The following CPED1 variants were observed in gnomAD, a reference collection of about 807,000 sequenced individuals.
The protein encoded by CPED1 is cadherin-like and PC-esterase domain-containing protein 1.
In CPED1, 114 loss-of-function variants were observed where a neutral mutation model predicts 128.2. That is an observed-to-expected ratio of 0.89 (90% CI 0.76 to 1.04). The LOEUF (loss-of-function observed/expected upper bound fraction) is 1.04. CPED1 is among the 50% of genes least tolerant of loss of function. The pLI is 0.00. For synonymous variants in CPED1, 462 were observed against 426.7 expected, an observed-to-expected ratio of 1.08 and a Z score of -1.02; for missense variants, 1,211 against 1,207.1, an observed-to-expected ratio of 1.00 and a Z score of -0.05.
chr7:120,993,869 G>A (rs1057315946), intron 2 of CPED1: 3 of 222,540 alleles, frequency 1.3e-5, no homozygotes, highest in African/African-American at 4.7e-5. Context: ...CCTGCCTTTT[G>A]TTGATTGGAG....
intron 16 of CPED1, among the ~76,000 whole-genome samples, chr7:121,150,742 G>A (rs1419830832): frequency 3.9e-5 from 5 of 128,222 alleles, no homozygotes; most frequent in East Asian, 4.5e-4. Flanking sequence ...CAGCCAAACC[G>A]AGTCTAAAAC....
chr7:121,064,486 G>A (rs140783208), intron 5 of CPED1, among the ~76,000 whole-genome samples, 173 bp downstream of exon 5: 1 of 152,220 alleles, frequency 6.6e-6, no homozygotes, highest in African/African-American at 2.4e-5. Context: ...CCTAAAGTGA[G>A]GAATAACAAC....
At position 121,125,903 on chromosome 7, in the gene CPED1, C is replaced by G. The variant is rs1219918385; in HGVS notation, c.1134+11C>G. The G allele has an allele frequency of 6.4e-7, 1 of 1,568,446 alleles. No homozygotes were observed. Among genetic ancestry groups the G allele is most frequent in the African/African-American group, 1.3e-5 (1 of 74,248 alleles). The stretch of plus-strand genomic sequence containing the variant: ...CCTGTAGTGCTCCAGGTCAGTATGC[C>G]AAAGGCCTCATGTGAGCTTCTACCT... On this transcript the variant is annotated intron_variant, in intron 9 of 22. Transcript: ENST00000310396.
chr7:121,124,543 G>A (rs1307308628), intron 8 of CPED1, 70 bp downstream of exon 8: 2 of 1,206,568 alleles, frequency 1.7e-6, no homozygotes, highest in East Asian at 5.6e-5. Flanking sequence ...AAAATTGTTG[G>A]TGGAAATGTA....
intron 7 of CPED1, among the ~76,000 whole-genome samples, 162 bp downstream of exon 7, chr7:121,100,256 G>A (rs1794816942): frequency 6.6e-6 from 1 of 152,086 alleles, no homozygotes; most frequent in South Asian, 2.1e-4. Context: ...ATAGGTGCAG[G>A]TTTAAAAATG....
At chr7:121,070,919 A>G (rs9690143) in intron 5 of CPED1, among the ~76,000 whole-genome samples, 128,769 of 152,146 alleles carry the variant, frequency 0.85, 55,553 homozygotes, top group East Asian at 0.96. Context: ...GAAACAGTAC[A>G]GCCTAGGTCA....
At chr7:121,163,870 G>A (rs746763352) in intron 16 of CPED1, among the ~76,000 whole-genome samples, 4 of 152,156 alleles carry the variant, frequency 2.6e-5, no homozygotes, top group African/African-American at 4.8e-5. Context: ...TGGGCAACAG[G>A]TTTGTCTTTA....
At chr7:121,150,899 G>C (rs1342272773) in intron 16 of CPED1, among the ~76,000 whole-genome samples, 2 of 152,040 alleles carry the variant, frequency 1.3e-5, no homozygotes, top group African/African-American at 2.4e-5. Flanking sequence ...CTCTCGAGTA[G>C]CTGGGATTAC....
intron 3 of CPED1, among the ~76,000 whole-genome samples, chr7:121,034,929 C>A (rs1792847279): frequency 2.0e-5 from 3 of 152,052 alleles, no homozygotes; most frequent in South Asian, 4.2e-4. Flanking sequence ...TTTGGGAGAA[C>A]AGAAAAGGAA....
chr7:121,108,034 AG>A (rs1795019696), intron 7 of CPED1, among the ~76,000 whole-genome samples: 1 of 152,128 alleles, frequency 6.6e-6, no homozygotes, highest in Non-Finnish European at 1.5e-5. Context: ...CAAATTTAGA[AG>A]AAACAGCAAT....
At chr7:121,273,769 A>G (rs1792277826) in intron 22 of CPED1, among the ~76,000 whole-genome samples, 1 of 152,136 alleles carries the variant, frequency 6.6e-6, no homozygotes, top group Non-Finnish European at 1.5e-5. Flanking sequence ...AAGCTGTAGG[A>G]TACTGTGTGT....
At chr7:121,090,172 C>G (rs554952595) in intron 5 of CPED1, among the ~76,000 whole-genome samples, 1 of 152,162 alleles carries the variant, frequency 6.6e-6, no homozygotes, top group Non-Finnish European at 1.5e-5. Context: ...TCATGGCTTG[C>G]GTTTACTGAG....
chr7:121,201,063 G>A (rs149335944), intron 16 of CPED1, among the ~76,000 whole-genome samples: 227 of 152,210 alleles, frequency 1.5e-3, no homozygotes, highest in African/African-American at 4.9e-3. Context: ...GCCTTTAATA[G>A]AGCAATCTCT....
At chr7:121,162,806 T>C (rs1033883763) in intron 16 of CPED1, among the ~76,000 whole-genome samples, 1 of 152,204 alleles carries the variant, frequency 6.6e-6, no homozygotes, top group African/African-American at 2.4e-5. Flanking sequence ...GTGGTCATGC[T>C]GAACCAAAAC....
At chr7:121,112,618 G>C (rs993428427) in intron 7 of CPED1, among the ~76,000 whole-genome samples, 1 of 152,164 alleles carries the variant, frequency 6.6e-6, no homozygotes, top group Non-Finnish European at 1.5e-5. Flanking sequence ...GTTTTAAATT[G>C]TGACGTTTGT....
intron 18 of CPED1, chr7:121,261,926 AGTTTGGAT>A (rs974159227): frequency 7.9e-6 from 4 of 505,406 alleles, no homozygotes; most frequent in Admixed American, 7.4e-5. Flanking sequence ...CTATTGATAT[AGTTTGGAT>A]GTTTGTTTCC....
intron 2 of CPED1, among the ~76,000 whole-genome samples, chr7:121,008,169 G>A (rs1219043385): frequency 6.6e-6 from 1 of 152,010 alleles, no homozygotes; most frequent in African/African-American, 2.4e-5. Flanking sequence ...ACTAAGTCCA[G>A]TTTTCCTCAT....
At chr7:121,081,565 A>G (rs541499690) in intron 5 of CPED1, among the ~76,000 whole-genome samples, 1 of 152,214 alleles carries the variant, frequency 6.6e-6, no homozygotes, top group South Asian at 2.1e-4. Flanking sequence ...CACTTTCATT[A>G]ACATCATAGG....
intron 18 of CPED1, among the ~76,000 whole-genome samples, chr7:121,247,337 A>C (rs1385398987): frequency 6.6e-6 from 1 of 152,188 alleles, no homozygotes; most frequent in East Asian, 1.9e-4. Flanking sequence ...GCAAAATAAA[A>C]ATACAGGATC....
Sources: gnomAD v4.1 joint callset for allele counts (sites outside exome capture counted in the v4.1 genomes callset) on GRCh38, gnomAD v4.1.1 for gene constraint, MANE v1.5 for transcripts, NCBI Gene and HGNC (gene_info 2026-07-23, HGNC 2026-07-21) for gene names.